TASOR: variants seen among roughly 807,000 people sequenced by gnomAD.
TASOR encodes the protein transcription activation suppressor, also known as protein TASOR.
TASOR carries 53 observed loss-of-function variants against 178.6 expected under a neutral mutation model. That is an observed-to-expected ratio of 0.30 (90% CI 0.24 to 0.37). The LOEUF is 0.37. Among genes scored for constraint, TASOR ranks in the 10% least tolerant of loss-of-function variants. The pLI is 1.00. For synonymous variants in TASOR, 713 were observed against 696.2 expected, an observed-to-expected ratio of 1.02 and a Z score of -0.38; for missense variants, 1,815 against 1,971.4, an observed-to-expected ratio of 0.92 and a Z score of 1.50.
At chr3:56,644,663 G>A (rs2077198227) in intron 14 of TASOR, among the ~76,000 whole-genome samples, 1 of 150,958 alleles carries the variant, frequency 6.6e-6, no homozygotes, top group African/African-American at 2.4e-5. Context: ...GCAATACTGA[G>A]AAGAACATGA....
intron 9 of TASOR, among the ~76,000 whole-genome samples, chr3:56,661,945 C>T (rs1489999653): frequency 6.8e-6 from 1 of 148,062 alleles, no homozygotes; most frequent in Non-Finnish European, 1.5e-5. Context: ...ACTGACATGG[C>T]AAAAGCCCCG....
intron 11 of TASOR, among the ~76,000 whole-genome samples, chr3:56,652,471 T>C (rs1301485411): frequency 6.6e-6 from 1 of 151,168 alleles, no homozygotes. Context: ...AGAGGATCAC[T>C]GGACCCCAGA....
chr3:56,646,014 G>A (rs2077230812), intron 14 of TASOR, among the ~76,000 whole-genome samples: 1 of 152,112 alleles, frequency 6.6e-6, no homozygotes, highest in Non-Finnish European at 1.5e-5. Context: ...CGGGCATGGT[G>A]GCAGGCGCCT....
At chr3:56,635,804 C>T (rs1025879178) in intron 17 of TASOR, among the ~76,000 whole-genome samples, 2 of 151,912 alleles carry the variant, frequency 1.3e-5, no homozygotes, top group African/African-American at 4.8e-5. Context: ...ACAGTGGCTC[C>T]CAAAATGTAT....
intron 7 of TASOR, among the ~76,000 whole-genome samples, chr3:56,665,734 G>T (rs941080693): frequency 3.9e-5 from 6 of 152,022 alleles, no homozygotes; most frequent in Non-Finnish European, 7.4e-5. Context: ...CACTTTGGGA[G>T]GTCGAGGCAG....
At chr3:56,634,506 C>A (rs2076977987) in intron 17 of TASOR, among the ~76,000 whole-genome samples, 1 of 152,166 alleles carries the variant, frequency 6.6e-6, no homozygotes, top group Non-Finnish European at 1.5e-5. Context: ...GACTTGTTCT[C>A]ACTTACGAGG....
chr3:56,632,456 C>T (rs1035885719), intron 18 of TASOR, among the ~76,000 whole-genome samples: 16 of 146,812 alleles, frequency 1.1e-4, no homozygotes, highest in African/African-American at 3.6e-4. Context: ...GCCTGGGCGA[C>T]AGAAGGAGAC....
intron 1 of TASOR, among the ~76,000 whole-genome samples, chr3:56,674,545 T>G (rs926800051): frequency 7.9e-5 from 12 of 152,082 alleles, no homozygotes; most frequent in Admixed American, 2.0e-4. Flanking sequence ...TGCACTCACG[T>G]GGCTTCTTGT....
intron 17 of TASOR, among the ~76,000 whole-genome samples, chr3:56,638,319 T>A (rs1246977894): frequency 6.6e-6 from 1 of 152,080 alleles, no homozygotes; most frequent in African/African-American, 2.4e-5. Context: ...TGAGCCAAGG[T>A]CACGCCACTG....
At chr3:56,627,820 A>G in intron 19 of TASOR, 79 bp from the exon 20 acceptor site, 1 of 1,331,492 alleles carries the variant, frequency 7.5e-7, no homozygotes. Flanking sequence ...AACCTACAAG[A>G]AGTCTAACAG....
At chr3:56,648,726 G>A (rs924936450) in intron 13 of TASOR, 96 bp downstream of exon 13, 26 of 780,110 alleles carry the variant, frequency 3.3e-5, no homozygotes, top group Non-Finnish European at 5.1e-5. Flanking sequence ...GAAACATGAG[G>A]TAAGAAAGAC....
chr3:56,656,644 T>C (rs1004232663), intron 11 of TASOR, among the ~76,000 whole-genome samples: 2 of 145,366 alleles, frequency 1.4e-5, no homozygotes, highest in South Asian at 2.1e-4. Flanking sequence ...CATCAAAAAA[T>C]GTAAGACAGC....
chr3:56,623,251 C>G lies in TASOR; in HGVS notation c.4799G>C (p.Ser1600Thr). ...AAACTGATGGGACATATTTAATTGACTATGATAAACCTGAAAGTTACTATA... is the reference window on the plus strand; with the variant it reads ...AAACTGATGGGACATATTTAATTGAGTATGATAAACCTGAAAGTTACTATA... ...DSYSNFQVYH[S>T]QLNMSHQFSH... The change falls in exon 24 of 24, where the codon AGT becomes ACT. Residue 1600 changes from serine (S) to threonine (T), a missense_variant. By Grantham distance (58) the Ser-to-Thr change is moderately conservative (BLOSUM62 1). Coordinates refer to ENST00000683822, the MANE Select transcript of TASOR (RefSeq NM_001365635.2). 6.2e-7 allele frequency: 1 copy of G among 1,613,442 alleles called. No homozygotes were observed. Among genetic ancestry groups the G allele is most frequent in the Non-Finnish European group, 8.5e-7 (1 of 1,179,876 alleles).
intron 3 of TASOR, among the ~76,000 whole-genome samples, chr3:56,670,800 C>T (rs1279701781): frequency 6.6e-6 from 1 of 150,752 alleles, no homozygotes; most frequent in South Asian, 2.1e-4. Context: ...TAGCCGGGTG[C>T]GGTGGCGTGT....
In TASOR at chr3:56,653,281, AAAAAAAAAG is replaced by A. The variant is rs1248806669; in HGVS notation, c.1369-4233_1369-4225del. Among the ~76,000 whole-genome samples the A allele has an allele frequency of 2.4e-3, 262 of 107,322 alleles. 31 individuals are homozygous for A. The highest frequency in any genetic ancestry group is 0.012 in the African/African-American group (203 of 17,022). The allele number at this position is 107,322 out of a possible 152,430, so 70.4% of individuals were successfully genotyped here. ...CCATCTCAAAAAAAAAAAAAAAAAA[AAAAAAAAAG>A]AAAAGACAAGCTAAAGAAAATGAGG... On this transcript the variant is annotated intron_variant, in intron 11 of 23. Transcript: ENST00000683822.
At position 56,628,528 on chromosome 3, in the gene TASOR, A is replaced by G. The variant is rs1489240087; in HGVS notation, c.3834T>C (p.Ile1278=). ...AACCTGCAATGTCTTCATTTTGAAT[A>G]ATAATCAATAGTTTATCTAATTTTG... The part of the protein sequence containing the change: ...RRSKLDKLLI[I]IQNEDIAGFI... Residue 1278 remains isoleucine, a synonymous_variant, in exon 19 of 24, where the codon ATT becomes ATC. Coordinates refer to ENST00000683822, the MANE Select transcript of TASOR (RefSeq NM_001365635.2). The G allele has an allele frequency of 6.2e-6, 10 of 1,603,052 alleles. No individual in the cohort carries two copies. Among genetic ancestry groups the G allele is most frequent in the Admixed American group, 1.7e-5 (1 of 59,550 alleles).
intron 1 of TASOR, among the ~76,000 whole-genome samples, chr3:56,680,025 T>C (rs558373847): frequency 4.6e-5 from 7 of 152,294 alleles, no homozygotes; most frequent in Non-Finnish European, 1.0e-4. Flanking sequence ...ATACTAAATA[T>C]TTCTATATTT....
In TASOR at chr3:56,621,473, C is replaced by T. The variant is rs1027349422; in HGVS notation, c.*1564G>A. ...AAGTGAATATAATTCTAGTTTAACA[C>T]AACATTGCAAGTCAGGTGTGCACAT... is the stretch of plus-strand genomic sequence containing the variant. On this transcript the variant is annotated 3_prime_UTR_variant, in exon 24 of 24. Coordinates refer to ENST00000683822, the MANE Select transcript of TASOR (RefSeq NM_001365635.2). 1.3e-5 allele frequency: 14 copies of T among 1,103,358 alleles called. No individual in the cohort carries two copies. Among genetic ancestry groups the T allele is most frequent in the African/African-American group, 1.6e-5 (1 of 63,158 alleles). The allele number at this position is 1,103,358 out of a possible 1,614,324, so 68.3% of individuals were successfully genotyped here. A position where few individuals can be genotyped will look rare whatever the true frequency, so the allele number is the denominator to read the frequency against.
rs200904014 is a variant in TASOR, at chr3:56,633,868, G to T, written c.2923C>A (p.Gln975Lys). The change falls in exon 18 of 24, where the codon CAG (glutamine) becomes AAG (lysine). Residue 975 changes from glutamine (Q) to lysine (K), a missense_variant. This residue lies in a region of TASOR where 655 missense variants were observed against 671.1 expected (regional missense o/e 0.98). Coordinates refer to ENST00000683822, the MANE Select transcript of TASOR (RefSeq NM_001365635.2). Reference sequence around the variant, plus strand: ...TCTGTAAATGGAGAGGATGGAAACTGGTAATCAGAACTTCTCTGTCTATTT... The same window carrying T: ...TCTGTAAATGGAGAGGATGGAAACTTGTAATCAGAACTTCTCTGTCTATTT... ...VINRQRSSDY[Q>K]FPSSPFTDTL... is the part of the protein sequence containing the mutation. 6,305 of 1,610,674 alleles carry T rather than the reference G, an allele frequency of 3.9e-3. 105 individuals are homozygous for T. The highest frequency in any genetic ancestry group is 0.034 in the South Asian group (3,058 of 90,564).
Sources: gnomAD v4.1 joint callset for allele counts (sites outside exome capture counted in the v4.1 genomes callset) on GRCh38, gnomAD v4.1.1 for gene constraint, gnomAD v4.1.1 regional missense constraint, MANE v1.5 for transcripts, NCBI Gene and HGNC (gene_info 2026-07-23, HGNC 2026-07-21) for gene names.